Variants in DNAJC11 observed in about 807,000 individuals in gnomAD.
DNAJC11 encodes the protein dnaJ homolog subfamily C member 11.
A neutral mutation model predicts 78.6 loss-of-function variants in DNAJC11; 15 were observed. The ratio of observed to expected loss-of-function variants is 0.19; its 90% CI spans 0.13 to 0.29. The LOEUF (loss-of-function observed/expected upper bound fraction) is 0.29, where lower values mean the gene tolerates loss of function less well. DNAJC11 is among the 10% of genes least tolerant of loss of function. The pLI is 1.00. For synonymous variants in DNAJC11, 292 were observed against 272.1 expected, an observed-to-expected ratio of 1.07 and a Z score of -0.72; for missense variants, 547 against 709.6, an observed-to-expected ratio of 0.77 and a Z score of 2.60.
At chr1:6,668,820 G>A (rs1405229359) in intron 3 of DNAJC11, among the ~76,000 whole-genome samples, 1 of 152,130 alleles carries the variant, frequency 6.6e-6, no homozygotes, top group Non-Finnish European at 1.5e-5. Flanking sequence ...ATAGGCTGGC[G>A]TAACAATACT....
intron 3 of DNAJC11, among the ~76,000 whole-genome samples, chr1:6,672,364 G>A (rs201151): frequency 0.51 from 78,067 of 151,946 alleles, 20,538 homozygotes; most frequent in Admixed American, 0.61. Flanking sequence ...CCTGGAAAGT[G>A]TGAAGCTTCA....
intron 3 of DNAJC11, among the ~76,000 whole-genome samples, chr1:6,668,994 C>G (rs1203386506): frequency 6.6e-6 from 1 of 151,612 alleles, no homozygotes; most frequent in East Asian, 2.0e-4. Flanking sequence ...CAAGACCAAC[C>G]TGGCCAACAT....
chr1:6,663,284 C>T (rs1270325511), intron 4 of DNAJC11, among the ~76,000 whole-genome samples: 1 of 152,124 alleles, frequency 6.6e-6, no homozygotes, highest in Non-Finnish European at 1.5e-5. Flanking sequence ...GACAGTCAAA[C>T]TCCTTTGCCC....
chr1:6,645,170 ACT>A lies in DNAJC11; in HGVS notation c.895-46_895-45del. On this transcript the variant is annotated intron_variant, in intron 8 of 15. Coordinates refer to ENST00000377577, the MANE Select transcript of DNAJC11 (RefSeq NM_018198.4). The surrounding 1 kb of genome is among the most constrained non-coding windows in gnomAD (Gnocchi z 4.1). The stretch of plus-strand genomic sequence containing the variant: ...CAAGGATGCGTGGCTAGGGCGTGTG[ACT>A]CTGTGGGGAGATGGGTATCTGCCCT... The A allele has an allele frequency of 6.7e-7, 1 of 1,501,914 alleles. No individual in the cohort carries two copies. The highest frequency in any genetic ancestry group is 1.4e-5 in the African/African-American group (1 of 72,764). The allele number at this position is 1,501,914 out of a possible 1,614,324, so 93.0% of individuals were successfully genotyped here.
intron 11 of DNAJC11, among the ~76,000 whole-genome samples, chr1:6,639,013 G>T (rs1641831422): frequency 6.6e-6 from 1 of 152,212 alleles, no homozygotes; most frequent in African/African-American, 2.4e-5. Flanking sequence ...GACGGGCCCA[G>T]AAGAGGAGAT....
In DNAJC11 at chr1:6,634,832, G is replaced by A. The variant is rs1641728398; in HGVS notation, c.*843C>T. On this transcript the variant is annotated 3_prime_UTR_variant, in exon 16 of 16. Coordinates refer to ENST00000377577, the MANE Select transcript of DNAJC11 (RefSeq NM_018198.4). ...CCTGGGGTCCACGCCTTTGGGTTGG[G>A]TGTGTCTGATGTCTTGCCAAGCGCC... 2 of 1,249,610 alleles carry A rather than the reference G, an allele frequency of 1.6e-6. No homozygotes were observed. The highest frequency in any genetic ancestry group is 3.1e-5 in the African/African-American group (2 of 64,684). The allele number at this position is 1,249,610 out of a possible 1,614,324, so 77.4% of individuals were successfully genotyped here.
intron 1 of DNAJC11, among the ~76,000 whole-genome samples, chr1:6,694,451 T>TAA (rs1374974906): frequency 6.6e-6 from 1 of 152,060 alleles, no homozygotes; most frequent in Non-Finnish European, 1.5e-5. Flanking sequence ...CTATACCTTA[T>TAA]AAAAGTGCCT....
intron 1 of DNAJC11, among the ~76,000 whole-genome samples, chr1:6,700,520 G>A (rs981455032): frequency 6.6e-6 from 1 of 152,166 alleles, no homozygotes; most frequent in African/African-American, 2.4e-5. Flanking sequence ...CAGACTGCCT[G>A]GGTTGAGTTC....
At chr1:6,640,117 A>G in intron 10 of DNAJC11, 60 bp from the exon 11 acceptor site, 1 of 1,493,450 alleles carries the variant, frequency 6.7e-7, no homozygotes, top group South Asian at 1.3e-5. Flanking sequence ...TTTCCAGGGA[A>G]GGGCAATGGG....
intron 10 of DNAJC11, among the ~76,000 whole-genome samples, chr1:6,643,094 C>T (rs1641902838): frequency 6.6e-6 from 1 of 151,960 alleles, no homozygotes; most frequent in South Asian, 2.1e-4. Context: ...GGAACGGCCA[C>T]CGCGACAGCA....
At chr1:6,685,788 C>A (rs949596108) in intron 1 of DNAJC11, among the ~76,000 whole-genome samples, 1 of 152,182 alleles carries the variant, frequency 6.6e-6, no homozygotes, top group African/African-American at 2.4e-5. Context: ...AGTAAAATCT[C>A]TTTTTTCCAA....
intron 1 of DNAJC11, among the ~76,000 whole-genome samples, chr1:6,700,568 A>G (rs753796364): frequency 6.6e-6 from 1 of 152,184 alleles, no homozygotes. Flanking sequence ...CTTTAGACAC[A>G]CTACTTAATC....
Position 6,634,592 on chromosome 1 carries a change from A to C in DNAJC11, c.*1083T>G. ...AGAGCAACTGATGGCTGCCACTTCC[A>C]GGCCCCGAGAGACAGGCCTCACGTA... is the stretch of plus-strand genomic sequence containing the variant. On this transcript the variant is annotated 3_prime_UTR_variant, in exon 16 of 16. Coordinates refer to ENST00000377577, the MANE Select transcript of DNAJC11 (RefSeq NM_018198.4). The C allele has an allele frequency of 7.3e-7, 1 of 1,366,028 alleles. No homozygotes were observed. The highest frequency in any genetic ancestry group is 9.8e-7 in the Non-Finnish European group (1 of 1,021,724). 84.6% of individuals were successfully genotyped at this position (1,366,028 alleles called of 1,614,324 possible). A position where few individuals can be genotyped will look rare whatever the true frequency, so the allele number is the denominator to read the frequency against.
intron 1 of DNAJC11, among the ~76,000 whole-genome samples, chr1:6,693,834 A>ATTT (rs34877805): frequency 4.2e-4 from 42 of 101,200 alleles, no homozygotes; most frequent in South Asian, 1.3e-3. Context: ...AAGTACCCCC[A>ATTT]TTTTTTTTTT....
intron 10 of DNAJC11, among the ~76,000 whole-genome samples, chr1:6,640,354 A>AG (rs1641856826): frequency 6.6e-6 from 1 of 152,342 alleles, no homozygotes; most frequent in East Asian, 1.9e-4. Context: ...ATTCAGTCAT[A>AG]GGCTGGAGAG....
At chr1:6,688,276 T>G (rs2147883291) in intron 1 of DNAJC11, among the ~76,000 whole-genome samples, 1 of 152,368 alleles carries the variant, frequency 6.6e-6, no homozygotes, top group Middle Eastern at 3.4e-3. Flanking sequence ...GCTTTCTTCC[T>G]CTTGTACCTG....
chr1:6,667,350 T>A lies in DNAJC11; in HGVS notation c.378+359A>T, dbSNP rs1642308815. Among the ~76,000 whole-genome samples the A allele has an allele frequency of 2.0e-5, 3 of 152,274 alleles. 1 individual carries two copies. The highest frequency in any genetic ancestry group is 2.0e-4 in the Admixed American group (3 of 15,294). ...CTGTCCTCTGCCCTGCCTGCCTCTG[T>A]CCTCTGATTTCCAGTGTCAAGGACT... On this transcript the variant is annotated intron_variant, in intron 4 of 15. Coordinates refer to ENST00000377577, the MANE Select transcript of DNAJC11 (RefSeq NM_018198.4).
intron 7 of DNAJC11, among the ~76,000 whole-genome samples, chr1:6,648,784 G>A (rs539295374): frequency 6.6e-6 from 1 of 152,212 alleles, no homozygotes; most frequent in African/African-American, 2.4e-5. Context: ...CAGCATCTGG[G>A]GTGACCAATC....
At chr1:6,668,913 G>A (rs1042313222) in intron 3 of DNAJC11, among the ~76,000 whole-genome samples, 3 of 152,148 alleles carry the variant, frequency 2.0e-5, no homozygotes, top group South Asian at 2.1e-4. Flanking sequence ...CCGGCCTGGC[G>A]CGGTGGCTCA....
Sources: allele counts gnomAD v4.1 joint callset (sites outside exome capture counted in the v4.1 genomes callset), GRCh38; gene constraint gnomAD v4.1.1; non-coding constraint Gnocchi (gnomAD v3.1); transcripts MANE v1.5; gene names NCBI Gene and HGNC (gene_info 2026-07-23, HGNC 2026-07-21).